CCSER2: variants seen among roughly 807,000 people sequenced by gnomAD.
CCSER2 encodes the protein serine-rich coiled-coil domain-containing protein 2.
A neutral mutation model predicts 92.3 loss-of-function variants in CCSER2; 46 were observed. The ratio of observed to expected loss-of-function variants is 0.50; its 90% CI spans 0.39 to 0.64. CCSER2 has a LOEUF of 0.64. Among genes scored for constraint, CCSER2 ranks in the 30% least tolerant of loss-of-function variants. The probability of loss-of-function intolerance (pLI) is 0.00; values close to 1 mark genes in which losing one functional copy is unlikely to be tolerated. For missense variants in CCSER2, 1,244 were observed against 1,238.9 expected, an observed-to-expected ratio of 1.00 and a Z score of -0.06; for synonymous variants, 433 against 431.4, an observed-to-expected ratio of 1.00 and a Z score of -0.04.
At chr10:84,415,289 C>T (rs886760582) in intron 3 of CCSER2, among the ~76,000 whole-genome samples, 2 of 152,200 alleles carry the variant, frequency 1.3e-5, no homozygotes, top group African/African-American at 4.8e-5. Flanking sequence ...GGCTTATCTA[C>T]CTTCAATCTT....
At chr10:84,457,258 A>T (rs11201046) in intron 6 of CCSER2, among the ~76,000 whole-genome samples, 2,811 of 42,214 alleles carry the variant, frequency 0.067, 131 homozygotes, top group Admixed American at 0.2. Flanking sequence ...ATATTATATA[A>T]AATATATTAT....
chr10:84,429,994 C>G (rs1486112698), intron 5 of CCSER2, among the ~76,000 whole-genome samples: 1 of 151,810 alleles, frequency 6.6e-6, no homozygotes, highest in East Asian at 1.9e-4. Flanking sequence ...TGTAAAAAGT[C>G]TGTATTTTAA....
At chr10:84,505,122 TATC>T (rs1848974006) in intron 9 of CCSER2, among the ~76,000 whole-genome samples, 1 of 152,192 alleles carries the variant, frequency 6.6e-6, no homozygotes, top group African/African-American at 2.4e-5. Flanking sequence ...TTTCACATAG[TATC>T]ATTTTATATA....
chr10:84,457,281 A>G (rs1564684685), intron 6 of CCSER2, among the ~76,000 whole-genome samples: 1 of 684 alleles, frequency 1.5e-3, no homozygotes, highest in Non-Finnish European at 3.4e-3. Context: ...ATAATATATT[A>G]TATATTATAT....
At chr10:84,347,161 A>G (rs1844535489) in intron 1 of CCSER2, among the ~76,000 whole-genome samples, 1 of 152,220 alleles carries the variant, frequency 6.6e-6, no homozygotes, top group South Asian at 2.1e-4. Context: ...AACAAAATGA[A>G]GTCTCCCATG....
At chr10:84,383,021 T>C (rs1310473737) in intron 3 of CCSER2, among the ~76,000 whole-genome samples, 1 of 152,208 alleles carries the variant, frequency 6.6e-6, no homozygotes. Flanking sequence ...TAGACTTTAT[T>C]GAGATTTAAA....
intron 3 of CCSER2, 137 bp from the exon 4 acceptor site, chr10:84,417,634 A>C (rs1193585264): frequency 2.2e-6 from 1 of 460,368 alleles, no homozygotes; most frequent in East Asian, 3.2e-5. Context: ...TTTTTAAAAA[A>C]CTTGAAAACC....
chr10:84,402,140 A>G (rs556770332), intron 3 of CCSER2, among the ~76,000 whole-genome samples: 8 of 152,272 alleles, frequency 5.3e-5, no homozygotes, highest in Admixed American at 1.3e-4. Context: ...AGTACTTAAA[A>G]ACTCTTAAAT....
At chr10:84,483,711 CAT>C (rs1847592575) in intron 9 of CCSER2, among the ~76,000 whole-genome samples, 1 of 151,282 alleles carries the variant, frequency 6.6e-6, no homozygotes, top group Non-Finnish European at 1.5e-5. Flanking sequence ...TTTCTTAGAC[CAT>C]ATTCTTTCCT....
intron 1 of CCSER2, among the ~76,000 whole-genome samples, chr10:84,366,733 G>C (rs1334473723): frequency 6.6e-6 from 1 of 152,188 alleles, no homozygotes; most frequent in East Asian, 1.9e-4. Flanking sequence ...AGAGTAGCTT[G>C]CTCCCTGTAC....
At chr10:84,477,038 G>A (rs1847190534) in intron 8 of CCSER2, among the ~76,000 whole-genome samples, 1 of 152,154 alleles carries the variant, frequency 6.6e-6, no homozygotes, top group African/African-American at 2.4e-5. Flanking sequence ...TTAAAATATG[G>A]ATTTAAGAAA....
At chr10:84,448,437 A>G (rs1254196010) in intron 6 of CCSER2, among the ~76,000 whole-genome samples, 1 of 151,974 alleles carries the variant, frequency 6.6e-6, no homozygotes, top group African/African-American at 2.4e-5. Flanking sequence ...CTGCCTCCCT[A>G]TGGAGACATG....
chr10:84,413,496 C>G (rs1341598606), intron 3 of CCSER2, among the ~76,000 whole-genome samples: 1 of 152,162 alleles, frequency 6.6e-6, no homozygotes, highest in East Asian at 1.9e-4. Flanking sequence ...TTTGGTTGCA[C>G]TATGGTCCAA....
At chr10:84,329,817 G>A (rs12267782) in intron 1 of CCSER2, among the ~76,000 whole-genome samples, 50,508 of 151,992 alleles carry the variant, frequency 0.33, 9,911 homozygotes, top group African/African-American at 0.55. Flanking sequence ...CCTGAAATCA[G>A]TCTTCTTCCT....
chr10:84,404,012 A>T (rs1156439707), intron 3 of CCSER2, among the ~76,000 whole-genome samples: 1 of 152,248 alleles, frequency 6.6e-6, no homozygotes, highest in African/African-American at 2.4e-5. Context: ...TTCTAAACCA[A>T]CAATCTTTGA....
chr10:84,365,521 G>A (rs1845733035), intron 1 of CCSER2, among the ~76,000 whole-genome samples: 1 of 152,188 alleles, frequency 6.6e-6, no homozygotes, highest in Admixed American at 6.5e-5. Flanking sequence ...GATGATTGAT[G>A]TGATTTGTGT....
intron 3 of CCSER2, among the ~76,000 whole-genome samples, chr10:84,416,569 C>G (rs1842896020): frequency 6.6e-6 from 1 of 152,052 alleles, no homozygotes; most frequent in Non-Finnish European, 1.5e-5. Context: ...CATGGAACAC[C>G]CAACATAGGA....
chr10:84,418,673 C>G (rs946728660), intron 4 of CCSER2, among the ~76,000 whole-genome samples: 2 of 152,174 alleles, frequency 1.3e-5, no homozygotes, highest in Non-Finnish European at 2.9e-5. Context: ...GGGGAGGTGT[C>G]TGTTCCAGTG....
intron 1 of CCSER2, among the ~76,000 whole-genome samples, chr10:84,368,526 A>G (rs561036326): frequency 5.3e-5 from 8 of 152,276 alleles, no homozygotes; most frequent in African/African-American, 1.7e-4. Context: ...CATGTATTAT[A>G]GGAACTCTAC....
Sources: allele counts gnomAD v4.1 joint callset (sites outside exome capture counted in the v4.1 genomes callset), GRCh38; gene constraint gnomAD v4.1.1; transcripts MANE v1.5; gene names NCBI Gene and HGNC (gene_info 2026-07-23, HGNC 2026-07-21).